Variants in LRIF1 observed in about 807,000 individuals in gnomAD.
The protein encoded by LRIF1 is ligand-dependent nuclear receptor-interacting factor 1.
LRIF1 carries 32 observed loss-of-function variants against 52.7 expected under a neutral mutation model. The ratio of observed to expected loss-of-function variants is 0.61; its 90% CI spans 0.46 to 0.82. The LOEUF is 0.82. Among genes scored for constraint, LRIF1 ranks in the 40% least tolerant of loss-of-function variants. The pLI is 0.00. For missense variants in LRIF1, 887 were observed against 892.0 expected (o/e 0.99, Z 0.07); for synonymous variants, 323 against 317.4 (o/e 1.02, Z -0.19).
chr1:110,884,908 G>C, the LRIF1 span, among the ~76,000 whole-genome samples: 4 of 151,846 alleles, frequency 2.6e-5, no homozygotes, highest in African/African-American at 7.3e-5. Context: ...ATTTATTCCT[G>C]CTTCATATTT....
the LRIF1 span, among the ~76,000 whole-genome samples, chr1:110,920,612 C>T: frequency 9.9e-5 from 15 of 152,148 alleles, no homozygotes; most frequent in African/African-American, 2.4e-4. Context: ...ATGGTAGATA[C>T]GTGTCATTAT....
chr1:110,917,761 G>A, the LRIF1 span, among the ~76,000 whole-genome samples: 1 of 151,670 alleles, frequency 6.6e-6, no homozygotes, highest in Non-Finnish European at 1.5e-5. Flanking sequence ...ATCAGCTAAG[G>A]GGTGATATAG....
downstream of LRIF1, chr1:110,945,041 C>T (rs116416380): frequency 1.2e-4 from 19 of 152,058 alleles, no homozygotes; most frequent in Admixed American, 1.2e-3. Flanking sequence ...GGACTACAGG[C>T]ACATGCCACC....
At chr1:110,897,098 C>G in the LRIF1 span, among the ~76,000 whole-genome samples, 1 of 152,340 alleles carries the variant, frequency 6.6e-6, no homozygotes, top group South Asian at 2.1e-4. Flanking sequence ...CCCTCTCCCT[C>G]TTTCTCTGCT....
chr1:110,938,062 A>G, the LRIF1 span: 5 of 152,142 alleles, frequency 3.3e-5, no homozygotes, highest in African/African-American at 1.2e-4. Flanking sequence ...TCAAAGTCAT[A>G]ATAAAAAGTC....
the LRIF1 span, chr1:110,938,064 T>C: frequency 2.0e-5 from 3 of 152,010 alleles, no homozygotes; most frequent in African/African-American, 4.8e-5. Flanking sequence ...AAAGTCATAA[T>C]AAAAAGTCTT....
intron 1 of LRIF1, among the ~76,000 whole-genome samples, chr1:110,961,127 T>TA (rs1439598832): frequency 2.6e-5 from 4 of 152,238 alleles, no homozygotes; most frequent in Admixed American, 6.5e-5. Flanking sequence ...AGCTGATACT[T>TA]ATGTTTCCCA....
chr1:110,925,384 C>T, the LRIF1 span, among the ~76,000 whole-genome samples: 17 of 151,720 alleles, frequency 1.1e-4, no homozygotes, highest in Non-Finnish European at 2.5e-4. Flanking sequence ...CCAGCCTCCA[C>T]GGTCACATAA....
At chr1:110,880,772 T>C in the LRIF1 span, among the ~76,000 whole-genome samples, 1 of 152,142 alleles carries the variant, frequency 6.6e-6, no homozygotes, top group African/African-American at 2.4e-5. Flanking sequence ...GGAGCTCACA[T>C]TCTAGTGAGG....
chr1:110,946,212 T>G (rs1365608846), downstream of LRIF1, among the ~76,000 whole-genome samples: 4 of 152,176 alleles, frequency 2.6e-5, no homozygotes, highest in Admixed American at 1.3e-4. Context: ...AACATTAGAC[T>G]AAGTAAAAAA....
the LRIF1 span, among the ~76,000 whole-genome samples, chr1:110,933,782 GGTGA>G: frequency 3.9e-5 from 6 of 152,146 alleles, no homozygotes; most frequent in Non-Finnish European, 8.8e-5. Flanking sequence ...ACAACTCACA[GGTGA>G]GTCCATGTGC....
the LRIF1 span, among the ~76,000 whole-genome samples, chr1:110,931,743 G>A: frequency 6.6e-6 from 1 of 152,134 alleles, no homozygotes; most frequent in Non-Finnish European, 1.5e-5. Context: ...CAATGATGAT[G>A]AGCATTTTTT....
downstream of LRIF1, among the ~76,000 whole-genome samples, chr1:110,945,719 G>A (rs775879628): frequency 7.9e-5 from 12 of 152,126 alleles, no homozygotes; most frequent in Admixed American, 2.0e-4. Context: ...GAGCCACTGC[G>A]CCTGGCCTAT....
chr1:110,900,270 G>A, the LRIF1 span, among the ~76,000 whole-genome samples: 1 of 152,120 alleles, frequency 6.6e-6, no homozygotes, highest in Non-Finnish European at 1.5e-5. Flanking sequence ...TTTCCACGGG[G>A]CTTCCTTATG....
the LRIF1 span, among the ~76,000 whole-genome samples, chr1:110,922,894 G>C: frequency 6.6e-6 from 1 of 152,182 alleles, no homozygotes; most frequent in Admixed American, 6.5e-5. Context: ...CATCACTCCA[G>C]ACTCTGCTTC....
At chr1:110,961,209 T>C (rs961118697) in intron 1 of LRIF1, among the ~76,000 whole-genome samples, 1 of 152,192 alleles carries the variant, frequency 6.6e-6, no homozygotes, top group East Asian at 1.9e-4. Flanking sequence ...TCAACTCTAC[T>C]TTCCTCCTCC....
intron 1 of LRIF1, among the ~76,000 whole-genome samples, chr1:110,954,514 A>C (rs1267581955): frequency 6.6e-6 from 1 of 152,200 alleles, no homozygotes; most frequent in Non-Finnish European, 1.5e-5. Flanking sequence ...CTGACTTTTA[A>C]TAAATTAAAA....
At chr1:110,962,051 G>C (rs1415203678) in intron 1 of LRIF1, among the ~76,000 whole-genome samples, 2 of 134,140 alleles carry the variant, frequency 1.5e-5, no homozygotes, top group South Asian at 5.0e-4. Flanking sequence ...CTGGATAACA[G>C]AGTTAAGGGT....
At chr1:110,881,089 T>C in the LRIF1 span, among the ~76,000 whole-genome samples, 1 of 152,028 alleles carries the variant, frequency 6.6e-6, no homozygotes, top group Non-Finnish European at 1.5e-5. Context: ...GAGTGTGGAG[T>C]GATGGACAGG....
Sources: allele counts gnomAD v4.1 joint callset (sites outside exome capture counted in the v4.1 genomes callset), GRCh38; gene constraint gnomAD v4.1.1; transcripts MANE v1.5; gene names NCBI Gene and HGNC (gene_info 2026-07-23, HGNC 2026-07-21).